Variants in FAM118A observed in about 807,000 individuals in gnomAD.
The protein encoded by FAM118A is protein FAM118A.
In FAM118A, 25 loss-of-function variants were observed where a neutral mutation model predicts 38.2. The observed-to-expected ratio is 0.65, with a 90% CI of 0.48 to 0.91. FAM118A has a LOEUF of 0.91. Ranked by LOEUF, FAM118A falls within the 40% of genes least tolerant of loss-of-function variation. The pLI is 0.00. For synonymous variants in FAM118A, 178 were observed against 184.1 expected, an observed-to-expected ratio of 0.97 and a Z score of 0.27; for missense variants, 425 against 463.3, an observed-to-expected ratio of 0.92 and a Z score of 0.76.
intron 8 of FAM118A, among the ~76,000 whole-genome samples, chr22:45,337,090 A>G (rs1278812870): frequency 6.6e-6 from 1 of 151,494 alleles, no homozygotes; most frequent in Non-Finnish European, 1.5e-5. Context: ...GCTGTGTGTT[A>G]TTTCTCATTC....
intron 3 of FAM118A, among the ~76,000 whole-genome samples, chr22:45,325,750 C>T (rs1415868108): frequency 6.6e-6 from 1 of 152,086 alleles, no homozygotes; most frequent in Non-Finnish European, 1.5e-5. Flanking sequence ...GGCCATGATC[C>T]CAGGGAGAAT....
At chr22:45,334,156 T>C (rs1249219673) in intron 6 of FAM118A, among the ~76,000 whole-genome samples, 3 of 152,230 alleles carry the variant, frequency 2.0e-5, no homozygotes, top group Non-Finnish European at 4.4e-5. Context: ...GAGAAATTGC[T>C]CATCTATCAG....
intron 5 of FAM118A, among the ~76,000 whole-genome samples, chr22:45,331,931 C>G (rs760656829): frequency 6.6e-6 from 1 of 152,138 alleles, no homozygotes; most frequent in Non-Finnish European, 1.5e-5. Flanking sequence ...TTCGCAAAAC[C>G]ACCCCTGCAA....
intron 1 of FAM118A, among the ~76,000 whole-genome samples, chr22:45,313,322 T>G (rs1328244140): frequency 6.8e-6 from 1 of 147,598 alleles, no homozygotes; most frequent in African/African-American, 2.5e-5. Flanking sequence ...CGTGAGGGTT[T>G]TTTTTTTTTT....
chr22:45,338,519 G>A (rs1356624310), intron 8 of FAM118A, among the ~76,000 whole-genome samples: 2 of 152,212 alleles, frequency 1.3e-5, no homozygotes, highest in African/African-American at 2.4e-5. Context: ...GAGCCACTGC[G>A]CCCGGCCAAG....
rs1252226702 is a variant in FAM118A at position 45,326,284 on chromosome 22, GCTGTCAAGGCCCCTTGGAGACAGCTC to G, written c.301-1546_301-1521del. Among the ~76,000 whole-genome samples, 80 of 152,204 alleles carry G rather than the reference GCTGTCAAGGCCCCTTGGAGACAGCTC, an allele frequency of 5.3e-4. No individual in the cohort carries two copies. The East Asian group carries it at 7.4e-3, about 14-fold the overall frequency. ...TTGAAGCCATCCCAGCCAGGCTTTG[GCTGTCAAGGCCCCTTGGAGACAGCTC>G]CTGTCAAGGCCACCGGTGAAACACT... On this transcript the variant is annotated intron_variant, in intron 3 of 8. Transcript: ENST00000441876.
In FAM118A at chr22:45,310,070, G is replaced by C. The variant is rs953111576; in HGVS notation, c.-123G>C. On this transcript the variant is annotated 5_prime_UTR_variant, in exon 1 of 9. Coordinates refer to ENST00000441876, the MANE Select transcript of FAM118A (RefSeq NM_017911.4). ...TCCCCTCCCCGAGAACCATCCCCTTGCCCCGCCCAGCGTCAGGGGTGCGCG... is the reference window on the plus strand; with the variant it reads ...TCCCCTCCCCGAGAACCATCCCCTTCCCCCGCCCAGCGTCAGGGGTGCGCG... 5 of 152,132 alleles carry C rather than the reference G, an allele frequency of 3.3e-5. No individual in the cohort carries two copies. Among genetic ancestry groups the C allele is most frequent in the African/African-American group, 1.2e-4 (5 of 41,420 alleles). 9.4% of individuals were successfully genotyped at this position (152,132 alleles called of 1,614,324 possible). A position where few individuals can be genotyped will look rare whatever the true frequency, so the allele number is the denominator to read the frequency against.
chr22:45,322,150 C>A (rs563549306), intron 1 of FAM118A: 38 of 1,481,464 alleles, frequency 2.6e-5, no homozygotes, highest in Non-Finnish European at 3.4e-5. Context: ...TGTAGAACAG[C>A]GAGAGTCCAA....
intron 6 of FAM118A, 35 bp from the exon 7 acceptor site, chr22:45,335,315 C>G: frequency 1.9e-6 from 3 of 1,613,892 alleles, no homozygotes; most frequent in South Asian, 1.1e-5. Flanking sequence ...CTCTTGGTGT[C>G]TCGGCTCCAC....
Position 45,332,617 on chromosome 22 carries a change from G to A in FAM118A, c.844G>A (p.Gly282Arg), listed in dbSNP as rs374401724. 20 of 1,614,084 alleles carry A rather than the reference G, an allele frequency of 1.2e-5. No homozygotes were observed. The highest frequency in any genetic ancestry group is 4.0e-5 in the African/African-American group (3 of 74,916). ...FKHQADMLLH[G>R]IKVVSYGDCF... ...GCATCAGGCAGATATGCTTCTGCAC[G>A]GAATCAAAGTTGTATCCTACGGGGA... Residue 282 changes from glycine to arginine, a missense_variant, in exon 6 of 9, where the codon GGA becomes AGA. Gly to Arg is a moderately radical substitution (Grantham distance 125). Coordinates refer to ENST00000441876, the MANE Select transcript of FAM118A (RefSeq NM_017911.4).
chr22:45,339,220 A>C (rs2086310255), intron 8 of FAM118A, among the ~76,000 whole-genome samples: 1 of 152,136 alleles, frequency 6.6e-6, no homozygotes, highest in Non-Finnish European at 1.5e-5. Context: ...ACATGGCGAA[A>C]CCCCGTCTCT....
chr22:45,335,222 C>A, intron 6 of FAM118A, 128 bp from the exon 7 acceptor site: 1 of 958,648 alleles, frequency 1.0e-6, no homozygotes, highest in Non-Finnish European at 1.6e-6. Context: ...AGTCCGCAGC[C>A]CGCGCGGGCT....
intron 4 of FAM118A, chr22:45,328,476 T>A: frequency 1.2e-6 from 1 of 855,362 alleles, no homozygotes; most frequent in Non-Finnish European, 2.1e-6. Context: ...AGTGAATTAC[T>A]AATAAAGTAG....
intron 1 of FAM118A, among the ~76,000 whole-genome samples, chr22:45,317,247 C>T (rs866550454): frequency 6.6e-6 from 1 of 152,152 alleles, no homozygotes; most frequent in African/African-American, 2.4e-5. Context: ...GGTTTAGTGG[C>T]GTGTGCCTGT....
chr22:45,313,129 G>T (rs1174458689), intron 1 of FAM118A, among the ~76,000 whole-genome samples: 2 of 152,008 alleles, frequency 1.3e-5, no homozygotes, highest in East Asian at 3.9e-4. Flanking sequence ...GAGATTCCAG[G>T]GATTCTAGGA....
chr22:45,318,729 TGA>T (rs1184613094), intron 1 of FAM118A: 1 of 152,194 alleles, frequency 6.6e-6, no homozygotes, highest in African/African-American at 2.4e-5. Context: ...GTTGCTGTGT[TGA>T]GTTTTTATAT....
chr22:45,322,914 A>C (rs1475930023), intron 2 of FAM118A, among the ~76,000 whole-genome samples: 13 of 152,188 alleles, frequency 8.5e-5, no homozygotes. Flanking sequence ...AATTGAGCTT[A>C]ACACTGGGCA....
chr22:45,321,672 C>G (rs1455543138), intron 1 of FAM118A: 9 of 154,198 alleles, frequency 5.8e-5, no homozygotes, highest in African/African-American at 2.2e-4. Context: ...CTTGGCCTCC[C>G]AAAATGCTGG....
intron 1 of FAM118A, among the ~76,000 whole-genome samples, chr22:45,311,706 T>C (rs1287348953): frequency 6.6e-6 from 1 of 152,024 alleles, no homozygotes; most frequent in African/African-American, 2.4e-5. Context: ...TCCATGTGGC[T>C]GTGGTGGGGA....
Sources: gnomAD v4.1 joint callset for allele counts (sites outside exome capture counted in the v4.1 genomes callset) on GRCh38, gnomAD v4.1.1 for gene constraint, MANE v1.5 for transcripts, NCBI Gene and HGNC (gene_info 2026-07-23, HGNC 2026-07-21) for gene names.